The following EXOC6B variants were observed in gnomAD, a reference collection of about 807,000 sequenced individuals.
EXOC6B encodes SEC15 homolog B.
EXOC6B carries 54 observed loss-of-function variants against 113.5 expected under a neutral mutation model. The observed-to-expected ratio is 0.48, with a 90% CI of 0.38 to 0.60. The LOEUF (loss-of-function observed/expected upper bound fraction) is 0.60, where lower values mean the gene tolerates loss of function less well. Among genes scored for constraint, EXOC6B ranks in the 20% least tolerant of loss-of-function variants. EXOC6B has a pLI of 0.00. For synonymous variants in EXOC6B, 357 were observed against 339.0 expected (o/e 1.05, Z -0.58); for missense variants, 797 against 977.5 (o/e 0.82, Z 2.46).
At chr2:72,736,799 C>T (rs1326872439) in intron 2 of EXOC6B, among the ~76,000 whole-genome samples, 4 of 152,098 alleles carry the variant, frequency 2.6e-5, no homozygotes, top group Non-Finnish European at 4.4e-5. Context: ...ACCAGGGCAC[C>T]AAGGAGCTAT....
intron 8 of EXOC6B, among the ~76,000 whole-genome samples, chr2:72,532,087 G>A (rs1702035845): frequency 6.6e-6 from 1 of 152,140 alleles, no homozygotes; most frequent in Admixed American, 6.5e-5. Flanking sequence ...TTTATAAAAT[G>A]AAATATCACC....
chr2:72,338,964 T>TACACATACACATACATAC (rs1369428147), intron 19 of EXOC6B, among the ~76,000 whole-genome samples: 1 of 114,384 alleles, frequency 8.7e-6, no homozygotes, highest in East Asian at 2.3e-4. Flanking sequence ...CACATACACA[T>TACACATACACATACATAC]ACATACACAT....
chr2:72,333,570 C>A (rs937642679), intron 20 of EXOC6B, among the ~76,000 whole-genome samples: 1 of 152,076 alleles, frequency 6.6e-6, no homozygotes, highest in East Asian at 1.9e-4. Flanking sequence ...TTACATCAGT[C>A]AAGGGATTAA....
intron 20 of EXOC6B, among the ~76,000 whole-genome samples, chr2:72,321,664 T>C (rs1687854746): frequency 6.6e-6 from 1 of 152,146 alleles, no homozygotes; most frequent in African/African-American, 2.4e-5. Context: ...TCCATTTATA[T>C]GGCATTTTGG....
intron 17 of EXOC6B, 76 bp from the exon 18 acceptor site, chr2:72,465,415 C>G (rs752872221): frequency 9.2e-7 from 1 of 1,084,476 alleles, no homozygotes; most frequent in South Asian, 1.6e-5. Context: ...TTAGAGCCAT[C>G]TGACATATCC....
chr2:72,757,673 A>T (rs1326396011), intron 1 of EXOC6B, among the ~76,000 whole-genome samples: 2 of 151,884 alleles, frequency 1.3e-5, no homozygotes, highest in Non-Finnish European at 2.9e-5. Context: ...TACCAAATAA[A>T]CTCTTTTGTT....
At chr2:72,373,064 CTTTT>C (rs79852175) in intron 19 of EXOC6B, among the ~76,000 whole-genome samples, 3 of 136,354 alleles carry the variant, frequency 2.2e-5, no homozygotes, top group Admixed American at 7.4e-5. Flanking sequence ...TCTCGGAAGA[CTTTT>C]TTTTTTTTTT....
intron 6 of EXOC6B, among the ~76,000 whole-genome samples, chr2:72,619,422 G>T (rs1011111422): frequency 2.6e-5 from 4 of 151,908 alleles, no homozygotes; most frequent in Non-Finnish European, 4.4e-5. Flanking sequence ...TGGAAAAAGA[G>T]AAAAAAATTT....
intron 11 of EXOC6B, among the ~76,000 whole-genome samples, chr2:72,508,915 T>A (rs1700754673): frequency 6.6e-6 from 1 of 152,176 alleles, no homozygotes; most frequent in Non-Finnish European, 1.5e-5. Flanking sequence ...AACCTGAGTG[T>A]ATACATAATA....
chr2:72,570,137 T>A (rs1293739531), intron 7 of EXOC6B, among the ~76,000 whole-genome samples: 1 of 152,084 alleles, frequency 6.6e-6, no homozygotes, highest in Non-Finnish European at 1.5e-5. Context: ...TCAATAGGAC[T>A]GGTATCCTTA....
At chr2:72,601,173 T>TGC (rs1488275625) in intron 6 of EXOC6B, among the ~76,000 whole-genome samples, 9 of 148,694 alleles carry the variant, frequency 6.1e-5, no homozygotes, top group South Asian at 2.1e-4. Context: ...TGTGTGTGTG[T>TGC]GTGTATATCT....
Position 72,479,563 on chromosome 2 carries a change from T to C in EXOC6B, c.1800+1053A>G, listed in dbSNP as rs75694228. Among the ~76,000 whole-genome samples, 537 of 152,276 alleles carry C rather than the reference T, an allele frequency of 3.5e-3. 14 individuals carry two copies. In the East Asian group the frequency reaches 0.068, roughly 19 times the overall value. ...GGTGACATGGAATATGTTTCAAAAC[T>C]AAAACAATCAAATAACAATATAAAC... On this transcript the variant is annotated intron_variant, in intron 17 of 21. Transcript: ENST00000272427.
At chr2:72,728,579 C>A (rs570392161) in intron 5 of EXOC6B, among the ~76,000 whole-genome samples, 1 of 152,222 alleles carries the variant, frequency 6.6e-6, no homozygotes, top group African/African-American at 2.4e-5. Context: ...AATGGGTTGG[C>A]AGGTATGCTA....
intron 8 of EXOC6B, among the ~76,000 whole-genome samples, chr2:72,529,827 T>G (rs1421463728): frequency 3.3e-5 from 5 of 152,194 alleles, no homozygotes; most frequent in Non-Finnish European, 7.4e-5. Context: ...ATTCAAATTA[T>G]CCATTTCATA....
chr2:72,741,408 T>C lies in EXOC6B; in HGVS notation c.175A>G (p.Asn59Asp), dbSNP rs1283535093. 1.9e-6 allele frequency: 3 copies of C among 1,613,870 alleles called. No homozygotes were observed. Among genetic ancestry groups the C allele is most frequent in the Non-Finnish European group, 2.5e-6 (3 of 1,179,854 alleles). Reference protein sequence around the residue: ...FMEKLETRIRNHDREIEKMCN... With the variant: ...FMEKLETRIRDHDREIEKMCN... ...ATTTTCTCAATTTCTCGGTCGTGATTACGGATACGAGTTTCAAGCTTCTCC... is the reference window on the plus strand; with the variant it reads ...ATTTTCTCAATTTCTCGGTCGTGATCACGGATACGAGTTTCAAGCTTCTCC... The change falls in exon 2 of 22, where the codon AAT becomes GAT. Residue 59 changes from asparagine (N) to aspartate (D), a missense_variant. By Grantham distance (23) the Asn-to-Asp change is conservative. Transcript: ENST00000272427.
chr2:72,453,238 A>G (rs552859607), intron 18 of EXOC6B, among the ~76,000 whole-genome samples: 2 of 152,334 alleles, frequency 1.3e-5, no homozygotes, highest in South Asian at 4.1e-4. Context: ...TACTTCGCAA[A>G]CAAAGATGAG....
At chr2:72,296,784 G>A (rs1686163635) in intron 20 of EXOC6B, among the ~76,000 whole-genome samples, 1 of 152,086 alleles carries the variant, frequency 6.6e-6, no homozygotes, top group Non-Finnish European at 1.5e-5. Context: ...TAAACACAAT[G>A]GTTTTCTGTT....
intron 6 of EXOC6B, among the ~76,000 whole-genome samples, chr2:72,676,342 C>A (rs980021059): frequency 3.3e-5 from 5 of 152,136 alleles, no homozygotes; most frequent in African/African-American, 1.2e-4. Context: ...AAATACCTCT[C>A]CAAGTACTCC....
At chr2:72,454,114 G>A (rs533614112) in intron 18 of EXOC6B, among the ~76,000 whole-genome samples, 158 of 152,238 alleles carry the variant, frequency 1.0e-3, no homozygotes, top group Non-Finnish European at 1.7e-3. Context: ...TACAATTCAA[G>A]GTGAGATTTG....
Sources: allele counts gnomAD v4.1 joint callset (sites outside exome capture counted in the v4.1 genomes callset), GRCh38; gene constraint gnomAD v4.1.1; transcripts MANE v1.5; gene names NCBI Gene and HGNC (gene_info 2026-07-23, HGNC 2026-07-21).